TENM2: variants seen among roughly 807,000 people sequenced by gnomAD.
TENM2 encodes teneurin transmembrane protein 2, also known as teneurin-2.
TENM2 carries 52 observed loss-of-function variants against 245.2 expected under a neutral mutation model. The observed-to-expected ratio is 0.21, with a 90% CI of 0.17 to 0.27. The LOEUF (loss-of-function observed/expected upper bound fraction) is 0.27. TENM2 is among the 10% of genes least tolerant of loss of function. The pLI is 1.00. For synonymous variants in TENM2, 1,363 were observed against 1,438.9 expected (o/e 0.95, Z 1.19); for missense variants, 3,046 against 3,666.8 (o/e 0.83, Z 4.37).
intron 2 of TENM2, among the ~76,000 whole-genome samples, chr5:167,383,635 A>T (rs1272381184): frequency 6.7e-6 from 1 of 149,232 alleles, no homozygotes; most frequent in African/African-American, 2.5e-5. Context: ...CCATGAGCTA[A>T]TTTTTTTATT....
chr5:167,376,976 A>G (rs1760788323), intron 2 of TENM2, among the ~76,000 whole-genome samples: 1 of 152,192 alleles, frequency 6.6e-6, no homozygotes, highest in South Asian at 2.1e-4. Context: ...CAAGTCCCTC[A>G]TAGTTGGTAT....
intron 27 of TENM2, among the ~76,000 whole-genome samples, chr5:168,253,692 T>A (rs1195883812): frequency 6.6e-6 from 1 of 152,186 alleles, no homozygotes; most frequent in Non-Finnish European, 1.5e-5. Flanking sequence ...CCCAAAGTGC[T>A]GGGATTACAG....
In TENM2 at chr5:168,171,817, G is replaced by A. The variant is rs1026564121; in HGVS notation, c.2569+9060G>A. On this transcript the variant is annotated intron_variant, in intron 13 of 28. Coordinates refer to ENST00000518659, the Ensembl canonical transcript of TENM2. ...ATGGACTTATTTTAGGGAATTAAAG[G>A]ATGAAAACGCAGATTTCACTGGTGG... is the stretch of plus-strand genomic sequence containing the variant. 7.9e-5 allele frequency among the ~76,000 whole-genome samples: 12 copies of A among 152,290 alleles called. No individual in the cohort carries two copies. The East Asian group carries it at 1.7e-3, about 22-fold the overall frequency.
intron 24 of TENM2, among the ~76,000 whole-genome samples, chr5:168,226,903 GT>G (rs1764242559): frequency 1.3e-5 from 2 of 152,152 alleles, no homozygotes; most frequent in African/African-American, 4.8e-5. Context: ...GGGCTAGCCC[GT>G]TGTCAGAGGA....
intron 1 of TENM2, among the ~76,000 whole-genome samples, chr5:167,327,519 C>A (rs762142696): frequency 3.0e-4 from 45 of 152,026 alleles, no homozygotes; most frequent in Non-Finnish European, 3.8e-4. Context: ...CGCATAGACA[C>A]CCAGTAAATA....
chr5:167,825,371 A>G (rs999066206), intron 2 of TENM2, among the ~76,000 whole-genome samples: 2 of 152,052 alleles, frequency 1.3e-5, no homozygotes, highest in African/African-American at 2.4e-5. Context: ...CCATATGGTG[A>G]TGGCAGAGCT....
chr5:167,983,934 G>A (rs1783037027), intron 4 of TENM2, among the ~76,000 whole-genome samples: 1 of 152,150 alleles, frequency 6.6e-6, no homozygotes, highest in Admixed American at 6.5e-5. Context: ...ATTTAGTAAT[G>A]GCTAAAATAT....
intron 2 of TENM2, among the ~76,000 whole-genome samples, chr5:167,804,347 C>T (rs1487845710): frequency 6.6e-6 from 1 of 152,014 alleles, no homozygotes; most frequent in Non-Finnish European, 1.5e-5. Context: ...AAGAGCTGAT[C>T]CTCTTTCCCA....
chr5:168,262,774 C>A (rs1768332003), exon 29 of TENM2: 2 of 1,609,068 alleles, frequency 1.2e-6, no homozygotes, highest in South Asian at 1.1e-5. Context: ...GCAGCAACAT[C>A]CAGTTTTTAA....
the TENM2 span, among the ~76,000 whole-genome samples, chr5:167,229,490 C>T: frequency 6.6e-6 from 1 of 152,190 alleles, no homozygotes; most frequent in African/African-American, 2.4e-5. Context: ...CTCTGAAACC[C>T]AACTAGTCTA....
At chr5:167,880,458 T>C (rs760202754) in intron 3 of TENM2, among the ~76,000 whole-genome samples, 19 of 152,170 alleles carry the variant, frequency 1.2e-4, no homozygotes, top group Non-Finnish European at 2.4e-4. Context: ...TTATTTAAGA[T>C]AGAGAACTTG....
At chr5:167,732,162 T>G (rs1228617960) in intron 2 of TENM2, among the ~76,000 whole-genome samples, 1 of 152,196 alleles carries the variant, frequency 6.6e-6, no homozygotes, top group Non-Finnish European at 1.5e-5. Flanking sequence ...GAATTCCAAT[T>G]AGGTGAGGTA....
the TENM2 span, among the ~76,000 whole-genome samples, chr5:166,995,971 T>C: frequency 6.6e-6 from 1 of 151,976 alleles, no homozygotes; most frequent in Non-Finnish European, 1.5e-5. Context: ...ATAAGGATAT[T>C]TTAAATAATA....
the TENM2 span, among the ~76,000 whole-genome samples, chr5:167,211,737 G>A: frequency 6.6e-6 from 1 of 152,106 alleles, no homozygotes; most frequent in Non-Finnish European, 1.5e-5. Flanking sequence ...ACTGATCATG[G>A]TAACAATAGG....
chr5:167,992,811 T>G lies in TENM2; in HGVS notation c.948-133T>G. On this transcript the variant is annotated intron_variant, in intron 4 of 28. Coordinates refer to ENST00000518659, the Ensembl canonical transcript of TENM2. ...CATCATCGAATGTAATGTTCGCCCC[T>G]TCTTCCACTCCAGGGTAAGCTTAGT... is the stretch of plus-strand genomic sequence containing the variant. 4.5e-6 allele frequency: 3 copies of G among 659,986 alleles called. No individual in the cohort carries two copies. In the South Asian group the frequency reaches 5.7e-5, roughly 13 times the overall value. 40.9% of individuals were successfully genotyped at this position (659,986 alleles called of 1,614,324 possible).
At chr5:167,762,193 A>G (rs1462207967) in intron 2 of TENM2, among the ~76,000 whole-genome samples, 2 of 152,180 alleles carry the variant, frequency 1.3e-5, no homozygotes, top group Non-Finnish European at 2.9e-5. Context: ...GTGCATGGAT[A>G]CGCAGCTCTA....
At chr5:168,079,053 T>C (rs1312963927) in intron 7 of TENM2, among the ~76,000 whole-genome samples, 1 of 152,254 alleles carries the variant, frequency 6.6e-6, no homozygotes, top group Non-Finnish European at 1.5e-5. Context: ...TGATTCTTCC[T>C]ATCCATGAGC....
chr5:167,263,227 G>A, the TENM2 span, among the ~76,000 whole-genome samples: 1 of 152,176 alleles, frequency 6.6e-6, no homozygotes, highest in African/African-American at 2.4e-5. Flanking sequence ...TAAGTACTAT[G>A]TTAATGTTTT....
chr5:167,315,378 A>T (rs1275672688), intron 1 of TENM2, among the ~76,000 whole-genome samples: 1 of 152,152 alleles, frequency 6.6e-6, no homozygotes, highest in Non-Finnish European at 1.5e-5. Flanking sequence ...ATTAGATAAC[A>T]TGACTGTTTT....
Sources: gnomAD v4.1 joint callset for allele counts (sites outside exome capture counted in the v4.1 genomes callset) on GRCh38, gnomAD v4.1.1 for gene constraint, MANE v1.5 for transcripts, NCBI Gene and HGNC (gene_info 2026-07-23, HGNC 2026-07-21) for gene names.